The following SIRPB1 variants were observed in gnomAD, a reference collection of about 807,000 sequenced individuals.
The protein encoded by SIRPB1 is signal-regulatory protein beta-1.
A neutral mutation model predicts 34.1 loss-of-function variants in SIRPB1; 28 were observed. The ratio of observed to expected loss-of-function variants is 0.82; its 90% confidence interval spans 0.61 to 1.12. The LOEUF is 1.12. Among genes scored for constraint, SIRPB1 ranks in the 50% most tolerant of loss-of-function variants. SIRPB1 has a pLI of 0.00. For missense variants in SIRPB1, 499 were observed against 507.0 expected (o/e 0.98, Z 0.15); for synonymous variants, 211 against 203.8 (o/e 1.04, Z -0.30).
rs2091087600 is a variant in SIRPB1 at position 1,562,150 on chromosome 20, G to C, written c.*3350C>G. 3.3e-5 allele frequency among the ~76,000 whole-genome samples: 5 copies of C among 151,752 alleles called. No homozygotes were observed. The highest frequency in any genetic ancestry group is 2.6e-4 in the Admixed American group (4 of 15,246). ...ATGTACTCCAGTCACTGTGGGTTTT[G>C]GTTTTGGGGTTGACTTTTTTTTCTT... On this transcript the variant is annotated 3_prime_UTR_variant, in exon 6 of 6. Coordinates refer to ENST00000381605, the MANE Select transcript of SIRPB1 (RefSeq NM_006065.5).
At position 1,571,842 on chromosome 20, in the gene SIRPB1, C is replaced by T; in HGVS notation, c.629G>A (p.Ser210Asn). The T allele has an allele frequency of 6.2e-7, 1 of 1,614,250 alleles. No individual in the cohort carries two copies. Among genetic ancestry groups the T allele is most frequent in the Non-Finnish European group, 8.5e-7 (1 of 1,180,040 alleles). ...AGDSVSYSIH[S>N]TARVVLTRGD... ...ACGGGTCAGCACCACCCTGGCTGTG[C>T]TGTGGATGCTGTAGGACACACTGTC... Residue 210 changes from serine (S) to asparagine (N), a missense_variant, in exon 3 of 6, where the codon AGC (serine) becomes AAC (asparagine). Transcript: ENST00000381605.
Position 1,566,359 on chromosome 20 carries a change from C to T in SIRPB1, c.1085-92G>A, listed in dbSNP as rs996779470. Reference sequence around the variant, plus strand: ...CTTACCCCATCTGAGGCTACCTGGGCCCATCAATCCTCTGAAGCTTTTGAA... The same window carrying T: ...CTTACCCCATCTGAGGCTACCTGGGTCCATCAATCCTCTGAAGCTTTTGAA... On this transcript the variant is annotated intron_variant, in intron 4 of 5. Transcript: ENST00000381605. 27 of 678,308 alleles carry T rather than the reference C, an allele frequency of 4.0e-5. No homozygotes were observed. In the African/African-American group the frequency reaches 4.8e-4, roughly 12 times the overall value. 42.0% of individuals were successfully genotyped at this position (678,308 alleles called of 1,614,324 possible).
At position 1,596,200 on chromosome 20, in the gene SIRPB1, G is replaced by T. The variant is rs1430262101; in HGVS notation, c.77-17506C>A. Reference sequence around the variant, plus strand: ...TGCTTCCTGAAGAGGAAGGAGAAAGGGGACCATTTCAAATTATACCAGAGT... The same window carrying T: ...TGCTTCCTGAAGAGGAAGGAGAAAGTGGACCATTTCAAATTATACCAGAGT... On this transcript the variant is annotated intron_variant, in intron 1 of 5. Coordinates refer to ENST00000381605, the MANE Select transcript of SIRPB1 (RefSeq NM_006065.5). Among the ~76,000 whole-genome samples the T allele has an allele frequency of 8.2e-5, 4 of 48,576 alleles. 2 individuals are homozygous for T. Among genetic ancestry groups the T allele is most frequent in the Admixed American group, 5.5e-4 (4 of 7,242 alleles). 31.9% of individuals were successfully genotyped at this position (48,576 alleles called of 152,430 possible).
rs1311250654 is a variant in SIRPB1, at chr20:1,579,469, A to G, written c.77-775T>C. ...GGTATAATTTGTGGGCTGTGCATTT[A>G]ACTGCAAGAGCCTCTGTGGATCAAT... is the stretch of plus-strand genomic sequence containing the variant. On this transcript the variant is annotated intron_variant, in intron 1 of 5. Coordinates refer to ENST00000381605, the MANE Select transcript of SIRPB1 (RefSeq NM_006065.5). Among the ~76,000 whole-genome samples, 3 of 148,274 alleles carry G rather than the reference A, an allele frequency of 2.0e-5. 1 individual carries two copies. The highest frequency in any genetic ancestry group is 4.2e-4 in the South Asian group (2 of 4,758).
chr20:1,572,927 A>C (rs529894293), intron 2 of SIRPB1, among the ~76,000 whole-genome samples: 4 of 149,504 alleles, frequency 2.7e-5, no homozygotes, highest in African/African-American at 7.3e-5. Context: ...CTTTAATGAA[A>C]TAACCAATGA....
At position 1,562,890 on chromosome 20, in the gene SIRPB1, G is replaced by C. The variant is rs2091091956; in HGVS notation, c.*2610C>G. ...CAGTGAAGAAATGAGAAGTGAAAAT[G>C]CTGCAAGTGAGGTTCAAATTGAATG... On this transcript the variant is annotated 3_prime_UTR_variant, in exon 6 of 6. Coordinates refer to ENST00000381605, the MANE Select transcript of SIRPB1 (RefSeq NM_006065.5). 6.6e-6 allele frequency among the ~76,000 whole-genome samples: 1 copy of C among 152,208 alleles called. No individual in the cohort carries two copies. Among genetic ancestry groups the C allele is most frequent in the Non-Finnish European group, 1.5e-5 (1 of 68,030 alleles).
chr20:1,585,771 G>A (rs2091419651), intron 1 of SIRPB1, among the ~76,000 whole-genome samples: 1 of 48,634 alleles, frequency 2.1e-5, no homozygotes, highest in Admixed American at 1.4e-4. Flanking sequence ...TGACATCAGC[G>A]TGTCACAGAG....
At chr20:1,567,094 A>T (rs558952226) in intron 4 of SIRPB1, among the ~76,000 whole-genome samples, 81 of 149,656 alleles carry the variant, frequency 5.4e-4, no homozygotes, top group African/African-American at 1.9e-3. Flanking sequence ...GTATTAAAAA[A>T]AATTTTTTTT....
At chr20:1,594,500 A>T (rs1247356168) in intron 1 of SIRPB1, among the ~76,000 whole-genome samples, 1 of 48,572 alleles carries the variant, frequency 2.1e-5, no homozygotes, top group Non-Finnish European at 4.0e-5. Context: ...CATGAGCTAA[A>T]ACTCCCCCCT....
chr20:1,568,486 A>C (rs1187844692), intron 4 of SIRPB1, among the ~76,000 whole-genome samples: 1 of 152,246 alleles, frequency 6.6e-6, no homozygotes, highest in African/African-American at 2.4e-5. Flanking sequence ...GTCTAAGAAA[A>C]GACTCAACCT....
At position 1,578,381 on chromosome 20, in the gene SIRPB1, G is replaced by A. The variant is rs1395199148; in HGVS notation, c.390C>T (p.Asp130=). 15 of 1,586,786 alleles carry A rather than the reference G, an allele frequency of 9.5e-6. No homozygotes were observed. The highest frequency in any genetic ancestry group is 6.7e-5 in the Admixed American group (4 of 59,362). ...CVKFRKGSPD[D]VEFKSGAGTE... ...TGCCTGCTCCAGACTTAAACTCCAC[G>A]TCGTCAGGGCTCCCTTTCCGGAACT... is the stretch of plus-strand genomic sequence containing the variant. Residue 130 remains aspartate (D), a synonymous_variant, in exon 2 of 6, where the codon GAC becomes GAT. Transcript: ENST00000381605.
intron 1 of SIRPB1, among the ~76,000 whole-genome samples, chr20:1,594,860 C>CTAT (rs1289328088): frequency 2.0e-5 from 1 of 49,040 alleles, no homozygotes; most frequent in Non-Finnish European, 3.9e-5. Context: ...TTCAGTTTTA[C>CTAT]TATTATTATT....
At chr20:1,571,611 AAC>A in intron 3 of SIRPB1, 107 bp downstream of exon 3, 2 of 1,519,764 alleles carry the variant, frequency 1.3e-6, no homozygotes, top group Admixed American at 3.7e-5. Context: ...GGAGGTGGAC[AAC>A]ACAGTTAGGA....
chr20:1,565,948 C>T (rs908053832), intron 5 of SIRPB1, among the ~76,000 whole-genome samples: 2 of 152,064 alleles, frequency 1.3e-5, no homozygotes, highest in Non-Finnish European at 2.9e-5. Flanking sequence ...CTGTAATACC[C>T]TTGACCATCC....
At position 1,595,407 on chromosome 20, in the gene SIRPB1, G is replaced by T. The variant is rs1203033929; in HGVS notation, c.77-16713C>A. On this transcript the variant is annotated intron_variant, in intron 1 of 5. Transcript: ENST00000381605. The stretch of plus-strand genomic sequence containing the variant: ...TCTGTCTGAATGACTCTCATGAAGA[G>T]ACCTCAGACTCTATGCTCTGCAGGG... Among the ~76,000 whole-genome samples the T allele has an allele frequency of 1.2e-4, 6 of 48,984 alleles. 3 individuals carry two copies. The highest frequency in any genetic ancestry group is 8.1e-4 in the Admixed American group (6 of 7,402). 32.1% of individuals were successfully genotyped at this position (48,984 alleles called of 152,430 possible).
intron 5 of SIRPB1, among the ~76,000 whole-genome samples, chr20:1,565,768 G>A (rs1167992030): frequency 1.3e-5 from 2 of 151,154 alleles, no homozygotes; most frequent in African/African-American, 4.9e-5. Flanking sequence ...GCCTATCTGG[G>A]AATTCTCAAC....
In SIRPB1 at chr20:1,579,538, A is replaced by C. The variant is rs536674296; in HGVS notation, c.77-844T>G. ...ACGAGGCTCTGATAGGGCCTGCTCC[A>C]TCGCCTGGATGCGTGAATGACCGTT... On this transcript the variant is annotated intron_variant, in intron 1 of 5. Coordinates refer to ENST00000381605, the MANE Select transcript of SIRPB1 (RefSeq NM_006065.5). 3.4e-4 allele frequency among the ~76,000 whole-genome samples: 50 copies of C among 148,780 alleles called. 4 individuals carry two copies. Among genetic ancestry groups the C allele is most frequent in the Middle Eastern group, 3.5e-3 (1 of 282 alleles).
rs1178773027 is a variant in SIRPB1 at position 1,599,202 on chromosome 20, C to T, written c.77-20508G>A. 4.0e-5 allele frequency among the ~76,000 whole-genome samples: 2 copies of T among 49,420 alleles called. 1 individual carries two copies. The highest frequency in any genetic ancestry group is 2.7e-4 in the African/African-American group (2 of 7,516). 32.4% of individuals were successfully genotyped at this position (49,420 alleles called of 152,430 possible). The stretch of plus-strand genomic sequence containing the variant: ...TGTGTACTCATGCATTCATGTGTGG[C>T]ACCTGAGTCCCTCACTTGATCCTCA... On this transcript the variant is annotated intron_variant, in intron 1 of 5. Coordinates refer to ENST00000381605, the MANE Select transcript of SIRPB1 (RefSeq NM_006065.5).
intron 1 of SIRPB1, 128 bp from the exon 2 acceptor site, chr20:1,578,822 A>G (rs1163145087): frequency 6.5e-6 from 5 of 764,440 alleles, no homozygotes; most frequent in South Asian, 1.6e-5. Context: ...AGCCCACTAC[A>G]TGTATTATCT....
Sources: allele counts gnomAD v4.1 joint callset (sites outside exome capture counted in the v4.1 genomes callset), GRCh38; gene constraint gnomAD v4.1.1; transcripts MANE v1.5; gene names NCBI Gene and HGNC (gene_info 2026-07-23, HGNC 2026-07-21).